OPCML: variants seen among roughly 807,000 people sequenced by gnomAD.
The protein encoded by OPCML is opioid-binding protein/cell adhesion molecule.
A neutral mutation model predicts 37.8 loss-of-function variants in OPCML; 13 were observed. The observed-to-expected ratio is 0.34, with a 90% CI of 0.22 to 0.55. OPCML has a LOEUF of 0.55. Among genes scored for constraint, OPCML ranks in the 20% least tolerant of loss-of-function variants. The probability of loss-of-function intolerance (pLI) is 0.91; values close to 1 mark genes in which losing one functional copy is unlikely to be tolerated. For synonymous variants in OPCML, 176 were observed against 168.8 expected, an observed-to-expected ratio of 1.04 and a Z score of -0.33; for missense variants, 341 against 435.6, an observed-to-expected ratio of 0.78 and a Z score of 1.93.
intron 1 of OPCML, among the ~76,000 whole-genome samples, chr11:133,303,441 G>A (rs1942831429): frequency 6.6e-6 from 1 of 152,154 alleles, no homozygotes; most frequent in African/African-American, 2.4e-5. Context: ...TAAACTAGAA[G>A]GTTTCATGAC....
chr11:132,674,230 GC>G (rs1441591460), intron 2 of OPCML, among the ~76,000 whole-genome samples: 1 of 152,184 alleles, frequency 6.6e-6, no homozygotes, highest in East Asian at 1.9e-4. Flanking sequence ...AGAAAACTTA[GC>G]ATCACAGCAG....
At chr11:133,284,769 G>A (rs1942253546) in intron 1 of OPCML, among the ~76,000 whole-genome samples, 1 of 152,050 alleles carries the variant, frequency 6.6e-6, no homozygotes, top group Non-Finnish European at 1.5e-5. Context: ...GTGATTTTGG[G>A]TAATGAAAAC....
At chr11:132,955,313 A>G (rs2135635) in intron 1 of OPCML, among the ~76,000 whole-genome samples, 73,539 of 151,928 alleles carry the variant, frequency 0.48, 18,243 homozygotes, top group East Asian at 0.72. Flanking sequence ...GTTGATGATT[A>G]ATAAACATAT....
intron 2 of OPCML, among the ~76,000 whole-genome samples, chr11:132,840,865 C>A (rs1941257759): frequency 6.6e-6 from 1 of 152,032 alleles, no homozygotes; most frequent in Non-Finnish European, 1.5e-5. Context: ...ACAGCAGCGC[C>A]AGGCCAGGAA....
intron 1 of OPCML, among the ~76,000 whole-genome samples, chr11:133,427,302 T>C (rs1213984500): frequency 6.6e-6 from 1 of 150,962 alleles, no homozygotes; most frequent in African/African-American, 2.4e-5. Flanking sequence ...ATAAGAACAG[T>C]AATTTAAACA....
rs548758592 is a variant in OPCML at position 132,565,761 on chromosome 11, G to A, written c.380-36575C>T. ...AATTTTTAAACATCTGACTGGGCAC[G>A]GTGGCTCAAGCCTGTAATCCCAGCA... On this transcript the variant is annotated intron_variant, in intron 3 of 7. Transcript: ENST00000524381. Among the ~76,000 whole-genome samples the A allele has an allele frequency of 1.4e-4, 22 of 152,264 alleles. No homozygotes were observed. The South Asian group carries it at 3.7e-3, about 26-fold the overall frequency.
intron 1 of OPCML, among the ~76,000 whole-genome samples, chr11:133,445,711 G>A (rs1362934453): frequency 2.0e-5 from 3 of 152,150 alleles, no homozygotes; most frequent in African/African-American, 7.2e-5. Flanking sequence ...TTTCCCCCTT[G>A]GCTAAGAAAG....
chr11:132,721,707 G>A (rs1944674840), intron 2 of OPCML, among the ~76,000 whole-genome samples: 1 of 152,214 alleles, frequency 6.6e-6, no homozygotes, highest in Admixed American at 6.5e-5. Flanking sequence ...GTCTTAGCAA[G>A]TCTGTGGTTT....
intron 1 of OPCML, among the ~76,000 whole-genome samples, chr11:133,328,431 T>A (rs1943532798): frequency 6.6e-6 from 1 of 152,216 alleles, no homozygotes; most frequent in Non-Finnish European, 1.5e-5. Context: ...GGGCTGGGAT[T>A]ACAGGCATGA....
chr11:132,671,013 T>A (rs1942453063), intron 2 of OPCML, among the ~76,000 whole-genome samples: 1 of 152,156 alleles, frequency 6.6e-6, no homozygotes, highest in Non-Finnish European at 1.5e-5. Flanking sequence ...GACTGTGGCT[T>A]AATGGCCAAC....
At chr11:132,671,368 C>T (rs774253011) in intron 2 of OPCML, among the ~76,000 whole-genome samples, 4 of 151,960 alleles carry the variant, frequency 2.6e-5, no homozygotes, top group Non-Finnish European at 4.4e-5. Flanking sequence ...CATGAAAAGC[C>T]CAGAGAGATA....
At chr11:133,130,435 G>A (rs528948035) in intron 1 of OPCML, among the ~76,000 whole-genome samples, 1 of 152,092 alleles carries the variant, frequency 6.6e-6, no homozygotes, top group South Asian at 2.1e-4. Flanking sequence ...CCAAAATATT[G>A]AAATACTTAG....
chr11:132,904,236 A>G (rs1944158034), intron 2 of OPCML, among the ~76,000 whole-genome samples: 1 of 152,220 alleles, frequency 6.6e-6, no homozygotes, highest in Non-Finnish European at 1.5e-5. Flanking sequence ...CCATTAATAC[A>G]GCACAAACAA....
At chr11:133,333,477 C>T (rs991499151) in intron 1 of OPCML, among the ~76,000 whole-genome samples, 6 of 152,108 alleles carry the variant, frequency 3.9e-5, no homozygotes, top group Non-Finnish European at 7.4e-5. Context: ...TCCTTACACG[C>T]TACACAAAAA....
At chr11:132,849,136 C>A (rs1941685360) in intron 2 of OPCML, among the ~76,000 whole-genome samples, 1 of 152,230 alleles carries the variant, frequency 6.6e-6, no homozygotes, top group African/African-American at 2.4e-5. Flanking sequence ...TTACAATGCT[C>A]ATTTCCTTGC....
intron 1 of OPCML, among the ~76,000 whole-genome samples, chr11:133,354,994 A>G (rs1417132234): frequency 6.6e-6 from 1 of 152,260 alleles, no homozygotes; most frequent in East Asian, 1.9e-4. Flanking sequence ...TGGAATAAAA[A>G]GAAAATGACT....
intron 4 of OPCML, among the ~76,000 whole-genome samples, chr11:132,457,683 C>T (rs1380243335): frequency 6.6e-6 from 1 of 152,148 alleles, no homozygotes; most frequent in Non-Finnish European, 1.5e-5. Context: ...ACCTTTGTTT[C>T]CCTTTCTCTG....
At chr11:132,951,401 ACTCT>A (rs1268264571) in intron 1 of OPCML, among the ~76,000 whole-genome samples, 3 of 151,322 alleles carry the variant, frequency 2.0e-5, no homozygotes, top group Non-Finnish European at 4.4e-5. Flanking sequence ...GGGGAAGAAA[ACTCT>A]CTCTGTTCTT....
At chr11:133,413,028 G>A (rs1350279978) in intron 1 of OPCML, among the ~76,000 whole-genome samples, 1 of 152,164 alleles carries the variant, frequency 6.6e-6, no homozygotes, top group Non-Finnish European at 1.5e-5. Context: ...ACAGGTTGAT[G>A]AGTGCAGCTG....
Sources: allele counts gnomAD v4.1 joint callset (sites outside exome capture counted in the v4.1 genomes callset), GRCh38; gene constraint gnomAD v4.1.1; transcripts MANE v1.5; gene names NCBI Gene and HGNC (gene_info 2026-07-23, HGNC 2026-07-21).